EIF3I: variants seen among roughly 807,000 people sequenced by gnomAD.
EIF3I encodes the protein TGF-beta receptor-interacting protein 1.
A neutral mutation model predicts 43.3 loss-of-function variants in EIF3I; 20 were observed. The observed-to-expected ratio is 0.46, with a 90% CI of 0.32 to 0.67. The LOEUF (loss-of-function observed/expected upper bound fraction) is 0.67. EIF3I is among the 30% of genes least tolerant of loss of function. The pLI is 0.03. For synonymous variants in EIF3I, 167 were observed against 151.7 expected, an observed-to-expected ratio of 1.10 and a Z score of -0.74; for missense variants, 279 against 421.4, an observed-to-expected ratio of 0.66 and a Z score of 2.96.
At chr1:32,223,939 C>A in intron 2 of EIF3I, 95 bp from the exon 3 acceptor site, 1 of 1,073,280 alleles carries the variant, frequency 9.3e-7, no homozygotes, top group Non-Finnish European at 1.4e-6. Flanking sequence ...AGGGCAGAAT[C>A]AGCCTTGCTA....
chr1:32,224,199 G>C (rs942203733), intron 3 of EIF3I, 78 bp downstream of exon 3: 3 of 1,466,850 alleles, frequency 2.0e-6, no homozygotes, highest in African/African-American at 2.8e-5. Flanking sequence ...GTTGGGAGTT[G>C]GGGGTGCTGT....
At chr1:32,232,652 A>AG (rs1246036915), downstream of EIF3I, among the ~76,000 whole-genome samples, 2 of 152,234 alleles carry the variant, frequency 1.3e-5, no homozygotes, top group Admixed American at 6.5e-5. Context: ...CGGCTGCCGG[A>AG]GAGTCCAGAT....
downstream of EIF3I, among the ~76,000 whole-genome samples, chr1:32,235,423 C>T (rs971741922): frequency 6.6e-6 from 1 of 152,068 alleles, no homozygotes; most frequent in South Asian, 2.1e-4. Context: ...CTCCGCCTCC[C>T]GGGTTTAAGT....
downstream of EIF3I, chr1:32,234,356 CT>C (rs1200032201): frequency 1.3e-5 from 2 of 152,420 alleles, no homozygotes; most frequent in African/African-American, 2.4e-5. Flanking sequence ...GTATCCAACC[CT>C]TTCCTGTGCC....
At chr1:32,224,308 G>T in intron 3 of EIF3I, 102 bp from the exon 4 acceptor site, 1 of 1,163,998 alleles carries the variant, frequency 8.6e-7, no homozygotes, top group Non-Finnish European at 1.3e-6. Flanking sequence ...GGTAAGAGGG[G>T]TAGAAAGGCT....
At position 32,231,243 on chromosome 1, in the gene EIF3I, A is replaced by G. The variant is rs779409735; in HGVS notation, c.*47A>G. 6 of 1,581,918 alleles carry G rather than the reference A, an allele frequency of 3.8e-6. No homozygotes were observed. The Admixed American group carries it at 1.0e-4, about 27-fold the overall frequency. On this transcript the variant is annotated 3_prime_UTR_variant, in exon 12 of 12. Transcript: ENST00000676679. ...CGTGGTGGCTCATGCCTGTAATCCC[A>G]CCACTTTTTTTTTAAGGCAGGCGGA...
intron 2 of EIF3I, 146 bp downstream of exon 2, chr1:32,222,776 G>A: frequency 1.3e-6 from 1 of 788,046 alleles, no homozygotes; most frequent in Non-Finnish European, 2.1e-6. Context: ...GTAGGTTGGC[G>A]AAAGTATTCT....
At chr1:32,222,570 C>T in exon 2 of EIF3I, 1 of 1,614,152 alleles carries the variant, frequency 6.2e-7, no homozygotes, top group Non-Finnish European at 8.5e-7. Context: ...ATGAGCGGTC[C>T]ATTACGCAGA....
rs771930975 is a variant in EIF3I, at chr1:32,228,615, C to T, written c.639+6C>T. 2 of 1,613,692 alleles carry T rather than the reference C, an allele frequency of 1.2e-6. No homozygotes were observed. The highest frequency in any genetic ancestry group is 3.3e-5 in the Admixed American group (2 of 60,014). On this transcript the variant is annotated splice_donor_region_variant and intron_variant, in intron 7 of 11. Transcript: ENST00000676679. The stretch of plus-strand genomic sequence containing the variant: ...CCAAGGACAACACAGCCAAGGTGAG[C>T]CTGGGCAGCGGTCTGGCAGGGCTGC...
exon 10 of EIF3I, among the ~76,000 whole-genome samples, chr1:32,230,275 C>G (rs1639215727): frequency 6.6e-6 from 1 of 151,462 alleles, no homozygotes; most frequent in Non-Finnish European, 1.5e-5. Context: ...GGGTCTCACT[C>G]TGTTGCCCAG....
rs745985038 is a variant in EIF3I at position 32,228,835 on chromosome 1, C to A, written c.729+19C>A. On this transcript the variant is annotated intron_variant, in intron 8 of 11. Coordinates refer to ENST00000676679, the Ensembl canonical transcript of EIF3I. ...TGACCATGTAAGAGAACCCCACCTG[C>A]CTTCCTGCTGAAGCCTCAGGAAGCT... The A allele has an allele frequency of 2.8e-5, 45 of 1,596,302 alleles. No individual in the cohort carries two copies. In the African/African-American group the frequency reaches 5.5e-4, roughly 20 times the overall value.
intron 2 of EIF3I, 33 bp downstream of exon 2, chr1:32,222,663 C>G: frequency 2.6e-6 from 4 of 1,564,882 alleles, no homozygotes; most frequent in Non-Finnish European, 3.5e-6. Context: ...CCGGGAGGGG[C>G]GGGATCCTTC....
At position 32,228,629 on chromosome 1, in the gene EIF3I, T is replaced by G. The variant is rs1014703889; in HGVS notation, c.639+20T>G. 6.2e-7 allele frequency: 1 copy of G among 1,610,276 alleles called. No homozygotes were observed. The highest frequency in any genetic ancestry group is 8.5e-7 in the Non-Finnish European group (1 of 1,176,380). On this transcript the variant is annotated intron_variant, in intron 7 of 11. Coordinates refer to ENST00000676679, the Ensembl canonical transcript of EIF3I. The stretch of plus-strand genomic sequence containing the variant: ...GCCAAGGTGAGCCTGGGCAGCGGTC[T>G]GGCAGGGCTGCTCCCTCCCTCCGGC...
chr1:32,231,160 C>T (rs746397613), exon 12 of EIF3I: 17 of 1,613,946 alleles, frequency 1.1e-5, no homozygotes, highest in African/African-American at 8.0e-5. Context: ...TCCATTACTT[C>T]GACCCACAGT....
intron 2 of EIF3I, 68 bp from the exon 3 acceptor site, chr1:32,223,966 C>T: frequency 4.1e-6 from 6 of 1,471,790 alleles, no homozygotes; most frequent in Non-Finnish European, 5.7e-6. Context: ...GCTGAGGGTT[C>T]CTGGGGCAAA....
intron 4 of EIF3I, among the ~76,000 whole-genome samples, chr1:32,225,196 G>A (rs934043221): frequency 1.3e-5 from 2 of 151,660 alleles, no homozygotes; most frequent in Admixed American, 6.6e-5. Context: ...GGCTGGTCTC[G>A]AACTCCTCAG....
chr1:32,222,502 A>G (rs776674617), intron 1 of EIF3I, 36 bp from the exon 2 acceptor site: 8 of 1,613,632 alleles, frequency 5.0e-6, no homozygotes, highest in African/African-American at 1.3e-5. Context: ...CTGGGGCCCA[A>G]TTCCGAGCAC....
chr1:32,224,338 G>A (rs1557553655), intron 3 of EIF3I, 72 bp from the exon 4 acceptor site: 1 of 1,347,228 alleles, frequency 7.4e-7, no homozygotes. Context: ...TGAACAGGGA[G>A]ATGATTCACT....
At chr1:32,225,229 G>A (rs1006745770) in intron 4 of EIF3I, among the ~76,000 whole-genome samples, 2 of 152,088 alleles carry the variant, frequency 1.3e-5, no homozygotes, top group Non-Finnish European at 2.9e-5. Context: ...ACCCGCCTTG[G>A]CCTCCCAAAG....
Sources: allele counts gnomAD v4.1 joint callset (sites outside exome capture counted in the v4.1 genomes callset), GRCh38; gene constraint gnomAD v4.1.1; transcripts MANE v1.5; gene names NCBI Gene and HGNC (gene_info 2026-07-23, HGNC 2026-07-21).